The following SLC35F4 variants were observed in gnomAD, a reference collection of about 807,000 sequenced individuals.
SLC35F4 encodes the protein chromosome 14 open reading frame 36.
SLC35F4 carries 24 observed loss-of-function variants against 44.2 expected under a neutral mutation model. That is an observed-to-expected ratio of 0.54 (90% CI 0.39 to 0.76). The LOEUF is 0.76. Ranked by LOEUF, SLC35F4 falls within the 30% of genes least tolerant of loss-of-function variation. The pLI, the probability that SLC35F4 is intolerant of heterozygous loss-of-function variation, is 0.00. For synonymous variants in SLC35F4, 238 were observed against 223.6 expected, an observed-to-expected ratio of 1.06 and a Z score of -0.57; for missense variants, 562 against 586.1, an observed-to-expected ratio of 0.96 and a Z score of 0.42.
intron 1 of SLC35F4, among the ~76,000 whole-genome samples, chr14:57,739,039 C>G (rs1284602117): frequency 2.0e-5 from 3 of 151,254 alleles, no homozygotes; most frequent in Non-Finnish European, 4.4e-5. Flanking sequence ...GATGGCCAGG[C>G]TTTGTGTGTG....
At chr14:57,777,744 T>A (rs967376448) in intron 1 of SLC35F4, among the ~76,000 whole-genome samples, 1 of 152,028 alleles carries the variant, frequency 6.6e-6, no homozygotes, top group African/African-American at 2.4e-5. Context: ...CAAATCTGCA[T>A]GTTGTACACA....
intron 4 of SLC35F4, among the ~76,000 whole-genome samples, chr14:57,574,458 A>G (rs1157408159): frequency 1.3e-5 from 2 of 152,218 alleles, no homozygotes; most frequent in African/African-American, 4.8e-5. Flanking sequence ...GTTCTGAAAG[A>G]ATGAAAATCT....
chr14:57,885,048 C>T (rs1035387945), intron 1 of SLC35F4, among the ~76,000 whole-genome samples: 4 of 151,924 alleles, frequency 2.6e-5, no homozygotes, highest in Non-Finnish European at 5.9e-5. Flanking sequence ...TTTTTTTTCC[C>T]ATTAGAAGAT....
intron 1 of SLC35F4, among the ~76,000 whole-genome samples, chr14:57,879,897 G>A (rs1218494458): frequency 1.3e-5 from 2 of 151,796 alleles, no homozygotes; most frequent in Non-Finnish European, 2.9e-5. Flanking sequence ...AGAGTAAGTG[G>A]GGAAGGAAGG....
Position 57,978,334 on chromosome 14 carries a change from C to T in SLC35F4, n.152-1377G>A, listed in dbSNP as rs10141631. ...AGCTGTGATCTGTATGTAATAGAAT[C>T]GACACATACTTTGGATATGGGTTTG... On this transcript the variant is annotated intron_variant and non_coding_transcript_variant, in intron 1 of 1. Transcript: ENST00000554648. Among the ~76,000 whole-genome samples the T allele has an allele frequency of 5.1e-3, 774 of 152,016 alleles. 7 individuals are homozygous for T. The highest frequency in any genetic ancestry group is 0.018 in the African/African-American group (733 of 41,476).
At chr14:57,920,870 C>A (rs1407586739) in intron 1 of SLC35F4, among the ~76,000 whole-genome samples, 1 of 152,180 alleles carries the variant, frequency 6.6e-6, no homozygotes, top group Non-Finnish European at 1.5e-5. Context: ...ATAGCTGAGG[C>A]CTCTAGGAAC....
chr14:57,882,265 C>T (rs1245422901), intron 1 of SLC35F4, among the ~76,000 whole-genome samples: 1 of 152,154 alleles, frequency 6.6e-6, no homozygotes, highest in Non-Finnish European at 1.5e-5. Flanking sequence ...TGTATTTGCA[C>T]CTGAGATTGG....
intron 1 of SLC35F4, among the ~76,000 whole-genome samples, chr14:57,906,846 C>T (rs1041258497): frequency 2.0e-5 from 3 of 152,180 alleles, no homozygotes; most frequent in South Asian, 2.1e-4. Flanking sequence ...AAGCATCGTA[C>T]TTATTCAAGT....
chr14:57,844,946 C>A (rs907744366), intron 1 of SLC35F4, among the ~76,000 whole-genome samples: 3 of 152,186 alleles, frequency 2.0e-5, no homozygotes, highest in South Asian at 2.1e-4. Context: ...CCCCCACCCC[C>A]CCATGCACAT....
At chr14:57,918,435 C>G (rs1285397811) in intron 1 of SLC35F4, among the ~76,000 whole-genome samples, 1 of 152,176 alleles carries the variant, frequency 6.6e-6, no homozygotes, top group African/African-American at 2.4e-5. Context: ...TGTGACCTCA[C>G]TTCTCTGTCA....
At chr14:57,761,291 A>G (rs1028032215) in intron 1 of SLC35F4, among the ~76,000 whole-genome samples, 2 of 152,194 alleles carry the variant, frequency 1.3e-5, no homozygotes, top group African/African-American at 2.4e-5. Context: ...TTTCTGATCA[A>G]TCTTGATGTA....
intron 1 of SLC35F4, among the ~76,000 whole-genome samples, chr14:57,799,199 A>G (rs1380211463): frequency 5.3e-5 from 8 of 152,224 alleles, no homozygotes; most frequent in Non-Finnish European, 1.2e-4. Context: ...GGAGCTGCTC[A>G]GAGCCAAAGA....
intron 1 of SLC35F4, among the ~76,000 whole-genome samples, chr14:57,903,087 A>AT (rs1197410563): frequency 3.9e-5 from 6 of 152,150 alleles, no homozygotes; most frequent in African/African-American, 1.4e-4. Flanking sequence ...AGAGACTTTG[A>AT]TTAGTTTGCT....
At position 57,713,418 on chromosome 14, in the gene SLC35F4, C is replaced by T. The variant is rs1347810974; in HGVS notation, c.104-119294G>A. Among the ~76,000 whole-genome samples, 3 of 152,052 alleles carry T rather than the reference C, an allele frequency of 2.0e-5. No individual in the cohort carries two copies. In the East Asian group the frequency reaches 5.8e-4, roughly 29 times the overall value. On this transcript the variant is annotated intron_variant, in intron 1 of 7. Coordinates refer to ENST00000556826, the MANE Select transcript of SLC35F4 (RefSeq NM_001306087.2). ...TTTCCTCTTTCTCCAGTTTTATTTC[C>T]CCTCCCCTATCCCATACCCCCTAGT...
chr14:57,932,512 T>C (rs1455176081), intron 1 of SLC35F4, among the ~76,000 whole-genome samples: 1 of 152,192 alleles, frequency 6.6e-6, no homozygotes, highest in Non-Finnish European at 1.5e-5. Flanking sequence ...ATATGAATCA[T>C]TCACTGGGAC....
At chr14:57,885,096 T>C (rs1888618906) in intron 1 of SLC35F4, among the ~76,000 whole-genome samples, 1 of 152,178 alleles carries the variant, frequency 6.6e-6, no homozygotes, top group Admixed American at 6.6e-5. Context: ...TGGTGGCCTG[T>C]GGAGAGACCC....
intron 1 of SLC35F4, among the ~76,000 whole-genome samples, chr14:57,710,101 A>G (rs568392245): frequency 1.5e-4 from 23 of 152,264 alleles, no homozygotes; most frequent in African/African-American, 5.5e-4. Context: ...CCTAGGAGGG[A>G]AAAATGGTTT....
intron 1 of SLC35F4, among the ~76,000 whole-genome samples, chr14:57,966,121 C>T (rs915437940): frequency 6.6e-6 from 1 of 152,182 alleles, no homozygotes; most frequent in African/African-American, 2.4e-5. Flanking sequence ...TTTCATGACG[C>T]TGATGCAAGC....
chr14:57,743,322 C>T (rs187417618), intron 1 of SLC35F4, among the ~76,000 whole-genome samples: 202 of 152,010 alleles, frequency 1.3e-3, no homozygotes, highest in Non-Finnish European at 2.2e-3. Context: ...ATTGATAGGC[C>T]GCTAGCAAGA....
Sources: allele counts gnomAD v4.1 joint callset (sites outside exome capture counted in the v4.1 genomes callset), GRCh38; gene constraint gnomAD v4.1.1; transcripts MANE v1.5; gene names NCBI Gene and HGNC (gene_info 2026-07-23, HGNC 2026-07-21).